Variants in GDPD4 observed in about 807,000 individuals in gnomAD.
GDPD4 encodes glycerophosphodiester phosphodiesterase 6.
In GDPD4, 60 loss-of-function variants were observed where a neutral mutation model predicts 67.8. The observed-to-expected ratio is 0.88, with a 90% CI of 0.72 to 1.10. The LOEUF (loss-of-function observed/expected upper bound fraction) is 1.10. GDPD4 is among the 50% of genes least tolerant of loss of function. The pLI, the probability that GDPD4 is intolerant of heterozygous loss-of-function variation, is 0.00. For missense variants in GDPD4, 623 were observed against 613.9 expected (o/e 1.01, Z -0.16); for synonymous variants, 212 against 210.9 (o/e 1.00, Z -0.04).
chr11:77,255,019 C>A (rs563414553), intron 11 of GDPD4, among the ~76,000 whole-genome samples: 3 of 152,214 alleles, frequency 2.0e-5, no homozygotes, highest in African/African-American at 7.2e-5. Context: ...GAAAGCTCCA[C>A]GATCAAACCT....
At chr11:77,276,092 A>G in intron 5 of GDPD4, 69 bp downstream of exon 5, 1 of 1,084,026 alleles carries the variant, frequency 9.2e-7, no homozygotes, top group Admixed American at 1.7e-5. Flanking sequence ...AGTACCAAGG[A>G]GCATGTTCAG....
intron 11 of GDPD4, among the ~76,000 whole-genome samples, chr11:77,255,648 C>G (rs1958989244): frequency 6.6e-6 from 1 of 151,950 alleles, no homozygotes; most frequent in African/African-American, 2.4e-5. Flanking sequence ...ATCACAAGGT[C>G]AGGAGTTCAA....
intron 16 of GDPD4, among the ~76,000 whole-genome samples, chr11:77,221,430 T>C (rs976277657): frequency 2.6e-5 from 4 of 152,026 alleles, no homozygotes; most frequent in African/African-American, 9.7e-5. Flanking sequence ...TGGTATGTTA[T>C]GTCTTTTTTC....
chr11:77,242,038 G>C (rs1448284785), intron 13 of GDPD4, among the ~76,000 whole-genome samples: 1 of 152,028 alleles, frequency 6.6e-6, no homozygotes, highest in African/African-American at 2.4e-5. Context: ...GTTACCAAAG[G>C]GTTGAGGGAG....
chr11:77,231,589 G>A (rs1435586547), intron 14 of GDPD4, among the ~76,000 whole-genome samples: 3 of 152,024 alleles, frequency 2.0e-5, no homozygotes, highest in African/African-American at 2.4e-5. Flanking sequence ...TAAACTTTTT[G>A]ATTTTTGAAT....
chr11:77,279,540 T>TTTTTTTTTTTTTTTTTGAGACGGAGTTTC, intron 3 of GDPD4, 141 bp from the exon 4 acceptor site: 1 of 520,154 alleles, frequency 1.9e-6, no homozygotes, highest in Non-Finnish European at 3.6e-6. Flanking sequence ...CAGCAGCTTT[T>TTTTTTTTTTTTTTTTTGAGACGGAGTTTC]GCGGATAATT....
chr11:77,267,924 T>TC (rs777965079), intron 10 of GDPD4, among the ~76,000 whole-genome samples: 1 of 152,048 alleles, frequency 6.6e-6, no homozygotes, highest in Admixed American at 6.6e-5. Context: ...TTCTTTTTTT[T>TC]CCCACACAAC....
intron 13 of GDPD4, among the ~76,000 whole-genome samples, chr11:77,241,632 T>C (rs1167260677): frequency 9.3e-6 from 1 of 107,566 alleles, no homozygotes. Flanking sequence ...AACAAGACCC[T>C]GTCTTTAAAA....
chr11:77,246,868 G>C (rs1958793920), intron 11 of GDPD4, among the ~76,000 whole-genome samples: 1 of 152,166 alleles, frequency 6.6e-6, no homozygotes. Flanking sequence ...AAATTTAATA[G>C]ATGGCAACTT....
intron 10 of GDPD4, among the ~76,000 whole-genome samples, chr11:77,265,024 A>G (rs1471487919): frequency 6.6e-6 from 1 of 152,068 alleles, no homozygotes; most frequent in Non-Finnish European, 1.5e-5. Flanking sequence ...TAATAAGACA[A>G]CCTTTATTCA....
intron 16 of GDPD4, among the ~76,000 whole-genome samples, chr11:77,223,665 G>A (rs566435680): frequency 1.3e-5 from 2 of 152,326 alleles, no homozygotes; most frequent in Admixed American, 6.5e-5. Flanking sequence ...ACCCACTTGA[G>A]GAAGCAGTCT....
At chr11:77,260,762 T>A (rs1959100582) in intron 10 of GDPD4, among the ~76,000 whole-genome samples, 1 of 152,082 alleles carries the variant, frequency 6.6e-6, no homozygotes, top group Admixed American at 6.5e-5. Flanking sequence ...ATAACTGAAA[T>A]GAAAATTTCA....
chr11:77,232,906 A>T, intron 14 of GDPD4, 119 bp downstream of exon 14: 1 of 801,354 alleles, frequency 1.2e-6, no homozygotes, highest in Non-Finnish European at 2.0e-6. Context: ...TCCAATATTC[A>T]TAGAAGTCTG....
At chr11:77,223,870 G>A in intron 16 of GDPD4, among the ~76,000 whole-genome samples, 1 of 152,208 alleles carries the variant, frequency 6.6e-6, no homozygotes, top group East Asian at 1.9e-4. Flanking sequence ...CGTCCTGGCT[G>A]CTTTGTTTAC....
At position 77,228,828 on chromosome 11, in the gene GDPD4, A is replaced by C. The variant is rs181433379; in HGVS notation, c.1472+322T>G. Among the ~76,000 whole-genome samples the C allele has an allele frequency of 7.9e-4, 120 of 152,340 alleles. 1 individual carries two copies. The highest frequency in any genetic ancestry group is 1.5e-4 in the Non-Finnish European group (10 of 68,036). On this transcript the variant is annotated intron_variant, in intron 15 of 16. Transcript: ENST00000315938. ...CTTGCTCTTTGCACACTGCTATGCC[A>C]TTTCATGGAAGATGGGAAGGTGGAG...
chr11:77,246,134 A>G (rs2135845982), intron 11 of GDPD4, among the ~76,000 whole-genome samples: 1 of 152,304 alleles, frequency 6.6e-6, no homozygotes, highest in South Asian at 2.1e-4. Flanking sequence ...AAAAAATTTT[A>G]AAATAGCTGG....
At chr11:77,239,724 G>A (rs1164798806) in intron 13 of GDPD4, among the ~76,000 whole-genome samples, 2 of 152,156 alleles carry the variant, frequency 1.3e-5, no homozygotes, top group African/African-American at 4.8e-5. Flanking sequence ...ACTTTGGGGG[G>A]CTGAGGCGGG....
chr11:77,227,891 A>T lies in GDPD4; in HGVS notation c.1498T>A (p.Leu500Met), dbSNP rs138522428. Residue 500 changes from leucine (L) to methionine (M), a missense_variant, in exon 16 of 17, where the codon TTG (leucine) becomes ATG (methionine). By Grantham distance (15) the Leu-to-Met change is conservative. Transcript: ENST00000315938. ...GTGCGAGTGCTGGAGGTTTCAAACA[A>T]TTTTTCTTTTTCAGTCTCTCTCCGC... ...HWRRETEKEK[L>M]FETSSTRTDT... The T allele has an allele frequency of 1.1e-5, 17 of 1,613,560 alleles. No individual in the cohort carries two copies. In the African/African-American group the frequency reaches 2.1e-4, roughly 20 times the overall value.
At chr11:77,217,649 AG>A (rs1357342726) in intron 16 of GDPD4, among the ~76,000 whole-genome samples, 12 of 152,170 alleles carry the variant, frequency 7.9e-5, no homozygotes, top group African/African-American at 1.2e-4. Context: ...AATTAAAATG[AG>A]GGCTTTTTAA....
Sources: allele counts gnomAD v4.1 joint callset (sites outside exome capture counted in the v4.1 genomes callset), GRCh38; gene constraint gnomAD v4.1.1; transcripts MANE v1.5; gene names NCBI Gene and HGNC (gene_info 2026-07-23, HGNC 2026-07-21).